The following HMOX2 variants were observed in gnomAD, a reference collection of about 807,000 sequenced individuals.
The protein encoded by HMOX2 is heme oxygenase 2, also known as heme oxygenase (decycling) 2.
Under a neutral mutation model 33.7 loss-of-function variants are expected in HMOX2, and 30 were observed. The ratio of observed to expected loss-of-function variants is 0.89; its 90% CI spans 0.67 to 1.21. The LOEUF is 1.21. Ranked by LOEUF, HMOX2 falls within the 50% of genes most tolerant of loss-of-function variation. The probability of loss-of-function intolerance (pLI) is 0.00; values close to 1 mark genes in which losing one functional copy is unlikely to be tolerated. For missense variants in HMOX2, 403 were observed against 399.1 expected (o/e 1.01, Z -0.08); for synonymous variants, 155 against 155.0 (o/e 1.00, Z 0.00).
intron 1 of HMOX2, among the ~76,000 whole-genome samples, chr16:4,495,053 G>A (rs1219485095): frequency 1.3e-5 from 2 of 152,140 alleles, no homozygotes; most frequent in Non-Finnish European, 2.9e-5. Flanking sequence ...GTAGAAGAGA[G>A]GGCTGCATTT....
chr16:4,482,463 C>T (rs17880489), intron 1 of HMOX2, among the ~76,000 whole-genome samples: 300 of 152,248 alleles, frequency 2.0e-3, no homozygotes, highest in African/African-American at 6.0e-3. Flanking sequence ...GTAGACACAC[C>T]GGTGCGGTGT....
chr16:4,494,268 A>G (rs1223709905), intron 1 of HMOX2, among the ~76,000 whole-genome samples: 2 of 151,558 alleles, frequency 1.3e-5, no homozygotes, highest in African/African-American at 4.9e-5. Context: ...GTGAGCCGAG[A>G]TAGCACCACT....
intron 1 of HMOX2, among the ~76,000 whole-genome samples, chr16:4,483,206 TGTGTGTGTGTGTGTG>T (rs2058076979): frequency 1.4e-5 from 1 of 69,222 alleles, no homozygotes; most frequent in Admixed American, 1.5e-4. Flanking sequence ...TGTGTGTGTG[TGTGTGTGTGTGTGTG>T]TGTTTATGGA....
chr16:4,504,903 T>C (rs889214237), intron 1 of HMOX2, among the ~76,000 whole-genome samples: 1 of 150,334 alleles, frequency 6.7e-6, no homozygotes, highest in African/African-American at 2.5e-5. Context: ...TTAACCAGGC[T>C]AGTCTCAAAC....
chr16:4,477,847 C>T (rs549347092), intron 1 of HMOX2, among the ~76,000 whole-genome samples: 3 of 151,998 alleles, frequency 2.0e-5, no homozygotes, highest in South Asian at 2.1e-4. Flanking sequence ...CTTGAGCCCA[C>T]GAAGTGGAGA....
At chr16:4,489,135 T>A (rs1034272591) in intron 1 of HMOX2, among the ~76,000 whole-genome samples, 1 of 152,164 alleles carries the variant, frequency 6.6e-6, no homozygotes, top group Non-Finnish European at 1.5e-5. Context: ...ATCTAAAAGG[T>A]ACGCTCTTAG....
intron 1 of HMOX2, chr16:4,502,653 G>T (rs1012686680): frequency 6.6e-6 from 1 of 152,198 alleles, no homozygotes; most frequent in African/African-American, 2.4e-5. Context: ...TGAGCAGCCA[G>T]AGACAAATTT....
chr16:4,497,771 A>AT (rs1456727003), intron 1 of HMOX2, among the ~76,000 whole-genome samples: 2 of 146,186 alleles, frequency 1.4e-5, no homozygotes, highest in East Asian at 1.9e-4. Flanking sequence ...TATTCAATGT[A>AT]TTTTTTGAGA....
At chr16:4,475,061 C>T (rs773929053), upstream of HMOX2, among the ~76,000 whole-genome samples, 3 of 151,960 alleles carry the variant, frequency 2.0e-5, no homozygotes, top group Non-Finnish European at 2.9e-5. Flanking sequence ...AAGAGATTCT[C>T]CTGCCTCAGC....
chr16:4,509,577 T>C, intron 5 of HMOX2, 39 bp downstream of exon 5: 1 of 1,614,020 alleles, frequency 6.2e-7, no homozygotes, highest in South Asian at 1.1e-5. Context: ...CTGGGGCAGG[T>C]GTAGCAGGAG....
chr16:4,489,258 C>T (rs2058249609), intron 1 of HMOX2, among the ~76,000 whole-genome samples: 1 of 152,060 alleles, frequency 6.6e-6, no homozygotes, highest in African/African-American at 2.4e-5. Flanking sequence ...AATGCTTATT[C>T]CCCCCACAAG....
intron 1 of HMOX2, among the ~76,000 whole-genome samples, chr16:4,482,527 C>G (rs1049883937): frequency 5.9e-5 from 9 of 152,136 alleles, no homozygotes; most frequent in African/African-American, 2.2e-4. Flanking sequence ...TCAGATCCCA[C>G]CAATTGAGGG....
intron 1 of HMOX2, among the ~76,000 whole-genome samples, chr16:4,501,582 T>TG (rs1362542856): frequency 1.3e-5 from 2 of 152,170 alleles, no homozygotes; most frequent in Non-Finnish European, 2.9e-5. Context: ...TTCTCTTTTG[T>TG]GGGGGTGGGG....
chr16:4,481,866 A>G (rs981907723), intron 1 of HMOX2: 1 of 152,262 alleles, frequency 6.6e-6, no homozygotes, highest in African/African-American at 2.4e-5. Flanking sequence ...ACCTTGAACT[A>G]TCTCTGTGGC....
At chr16:4,505,357 A>C in intron 1 of HMOX2, 127 bp from the exon 2 acceptor site, 1 of 529,614 alleles carries the variant, frequency 1.9e-6, no homozygotes, top group Non-Finnish European at 3.4e-6. Context: ...TTTATTTTAA[A>C]GAAAACAATC....
rs375786109 is a variant in HMOX2, at chr16:4,509,709, G to A, written c.904G>A (p.Ala302Thr). 7.4e-6 allele frequency: 12 copies of A among 1,613,778 alleles called. No homozygotes were observed. Among genetic ancestry groups the A allele is most frequent in the East Asian group, 4.5e-5 (2 of 44,892 alleles). The change falls in exon 6 of 6, where the codon GCT becomes ACT. Residue 302 changes from alanine to threonine, a missense_variant. Physicochemically the swap from Ala to Thr is moderately conservative, Grantham distance 58. Transcript: ENST00000570646. ...RKPSLQFILA[A>T]GVALAAGLLA... ...GCCCAGCCTCCAGTTCATCCTGGCC[G>A]CTGGTGTGGCCCTAGCTGCTGGACT...
intron 1 of HMOX2, chr16:4,495,816 G>A (rs2058403501): frequency 6.6e-6 from 1 of 152,102 alleles, no homozygotes; most frequent in Non-Finnish European, 1.5e-5. Flanking sequence ...ACCCTATTGT[G>A]ACCTCCCTTT....
chr16:4,507,417 C>G (rs1164718053), intron 3 of HMOX2, among the ~76,000 whole-genome samples: 1 of 151,784 alleles, frequency 6.6e-6, no homozygotes, highest in Non-Finnish European at 1.5e-5. Context: ...TGTACTCCAG[C>G]CTGGGTGACA....
Position 4,488,969 on chromosome 16 carries a change from G to A in HMOX2, c.-42+12482G>A, listed in dbSNP as rs1435600153. Among the ~76,000 whole-genome samples, 4 of 152,114 alleles carry A rather than the reference G, an allele frequency of 2.6e-5. No homozygotes were observed. The East Asian group carries it at 7.7e-4, about 29-fold the overall frequency. On this transcript the variant is annotated intron_variant, in intron 1 of 5. Coordinates refer to ENST00000570646, the MANE Select transcript of HMOX2 (RefSeq NM_002134.4). ...GACTCCTGAGTAGCTGGGATGACAG[G>A]CATGTGCCACCACGCCCAGCTAATT...
Sources: gnomAD v4.1 joint callset for allele counts (sites outside exome capture counted in the v4.1 genomes callset) on GRCh38, gnomAD v4.1.1 for gene constraint, MANE v1.5 for transcripts, NCBI Gene and HGNC (gene_info 2026-07-23, HGNC 2026-07-21) for gene names.